The following TPO variants were observed in gnomAD, a reference collection of about 807,000 sequenced individuals.
TPO encodes thyroid microsomal antigen.
TPO carries 78 observed loss-of-function variants against 96.9 expected under a neutral mutation model. That is an observed-to-expected ratio of 0.81 (90% CI 0.67 to 0.97). TPO has a LOEUF of 0.97. TPO is among the 50% of genes least tolerant of loss of function. TPO has a pLI of 0.00. For missense variants in TPO, 1,252 were observed against 1,274.8 expected (o/e 0.98, Z 0.27); for synonymous variants, 547 against 538.0 (o/e 1.02, Z -0.23).
rs558752997 is a variant in TPO, at chr2:1,397,417, G to A, written n.180+23015G>A. On this transcript the variant is annotated intron_variant and non_coding_transcript_variant, in intron 1 of 5. Transcript: ENST00000497517. The stretch of plus-strand genomic sequence containing the variant: ...TGCCCTGAGTGCCTGCAGATGCCGT[G>A]GCCCAGGAGGAAGATACACCATTCC... Among the ~76,000 whole-genome samples the A allele has an allele frequency of 2.6e-5, 4 of 152,272 alleles. No individual in the cohort carries two copies. The East Asian group carries it at 5.8e-4, about 22-fold the overall frequency.
At chr2:1,505,296 A>G (rs1288322921) in intron 14 of TPO, among the ~76,000 whole-genome samples, 4 of 124,416 alleles carry the variant, frequency 3.2e-5, no homozygotes, top group East Asian at 5.0e-4. Flanking sequence ...CCACTATCCT[A>G]TATCAGGCAC....
At chr2:1,497,591 A>G (rs561212973) in intron 13 of TPO, among the ~76,000 whole-genome samples, 1 of 152,240 alleles carries the variant, frequency 6.6e-6, no homozygotes, top group East Asian at 1.9e-4. Context: ...TTCTGGTCTC[A>G]TGGGACAGTG....
intron 15 of TPO, among the ~76,000 whole-genome samples, chr2:1,519,764 T>A (rs1274137118): frequency 1.3e-5 from 2 of 152,222 alleles, no homozygotes; most frequent in African/African-American, 4.8e-5. Context: ...TATAATTTCC[T>A]ATTCATAAAC....
At position 1,456,162 on chromosome 2, in the gene TPO, G is replaced by C. The variant is rs968744712; in HGVS notation, c.699G>C (p.Trp233Cys). 3 of 1,613,960 alleles carry C rather than the reference G, an allele frequency of 1.9e-6. No homozygotes were observed. The highest frequency in any genetic ancestry group is 2.5e-6 in the Non-Finnish European group (3 of 1,180,048). Residue 233 changes from tryptophan to cysteine, a missense_variant, in exon 7 of 17, where the codon TGG becomes TGC. By Grantham distance (215) the Trp-to-Cys change is radical. Coordinates refer to ENST00000329066, the MANE Select transcript of TPO (RefSeq NM_001206744.2). Reference protein sequence around the residue: ...DDRYSDLLMAWGQYIDHDIAF... With the variant: ...DDRYSDLLMACGQYIDHDIAF... ...GCTATTCTGACCTCCTGATGGCATG[G>C]GGACAATACATCGACCACGACATCG...
At chr2:1,518,744 G>A (rs1674954669) in intron 15 of TPO, among the ~76,000 whole-genome samples, 1 of 152,244 alleles carries the variant, frequency 6.6e-6, no homozygotes, top group Non-Finnish European at 1.5e-5. Flanking sequence ...CCATGTGTCA[G>A]ATGTAATGCT....
At chr2:1,534,730 GTGTGTGCAACCTCCTCAAATCTCCCCCAC>G (rs1558433828) in intron 15 of TPO, among the ~76,000 whole-genome samples, 6 of 128,686 alleles carry the variant, frequency 4.7e-5, no homozygotes, top group African/African-American at 1.2e-4. Flanking sequence ...ATTCCCTCTA[GTGTGTGCAACCTCCTCAAATCTCCCCCAC>G]TGTGTGCAAC....
At position 1,477,316 on chromosome 2, in the gene TPO, C is replaced by T; in HGVS notation, c.1050C>T (p.Leu350=). 1 of 1,572,836 alleles carries T rather than the reference C, an allele frequency of 6.4e-7. No individual in the cohort carries two copies. The highest frequency in any genetic ancestry group is 1.2e-5 in the South Asian group (1 of 86,040). Residue 350 remains leucine, a synonymous_variant, in exon 8 of 17, where the codon CTC becomes CTT. Coordinates refer to ENST00000329066, the MANE Select transcript of TPO (RefSeq NM_001206744.2). ...LRNWTSAEGL[L]RVHARLRDSG... is the part of the protein sequence containing the mutation. The stretch of plus-strand genomic sequence containing the variant: ...ACTGGACCAGTGCCGAAGGGCTGCT[C>T]CGCGTCCACGCGCGCCTCCGGGACT...
At chr2:1,527,741 C>T (rs953189012) in intron 15 of TPO, among the ~76,000 whole-genome samples, 2 of 149,032 alleles carry the variant, frequency 1.3e-5, no homozygotes, top group African/African-American at 2.5e-5. Flanking sequence ...CCAAATTTCT[C>T]CCACTCTGGG....
At chr2:1,533,391 A>AC (rs1678803582) in intron 15 of TPO, among the ~76,000 whole-genome samples, 1 of 66,632 alleles carries the variant, frequency 1.5e-5, no homozygotes. Flanking sequence ...TCAAATCCCC[A>AC]CACTGTTTGC....
chr2:1,496,479 T>C (rs766224163), intron 12 of TPO, 116 bp from the exon 13 acceptor site: 149 of 1,442,644 alleles, frequency 1.0e-4, no homozygotes, highest in Non-Finnish European at 1.4e-4. Flanking sequence ...ACAGCAGGGC[T>C]CCCCGGCCCT....
At chr2:1,436,830 G>A (rs759682320) in intron 5 of TPO, among the ~76,000 whole-genome samples, 1 of 152,098 alleles carries the variant, frequency 6.6e-6, no homozygotes, top group Non-Finnish European at 1.5e-5. Context: ...CTGCCATCAC[G>A]TGGTGGTCCC....
chr2:1,524,155 T>G (rs1163021763), intron 15 of TPO, among the ~76,000 whole-genome samples: 1 of 103,478 alleles, frequency 9.7e-6, no homozygotes, highest in South Asian at 3.3e-4. Flanking sequence ...CCTCCCAAAA[T>G]CCCCCAAACT....
chr2:1,528,796 C>CA (rs1677258878), intron 15 of TPO, among the ~76,000 whole-genome samples: 1 of 61,642 alleles, frequency 1.6e-5, no homozygotes, highest in Non-Finnish European at 3.0e-5. Flanking sequence ...CAACCTCCTC[C>CA]AATCCCCCCA....
At chr2:1,419,779 G>A (rs554959603) in intron 2 of TPO, among the ~76,000 whole-genome samples, 55 of 152,300 alleles carry the variant, frequency 3.6e-4, no homozygotes, top group African/African-American at 1.2e-3. Context: ...CGATCCATTC[G>A]AGTTTCCATC....
At chr2:1,458,250 AAGAT>A (rs1181983644) in intron 7 of TPO, among the ~76,000 whole-genome samples, 1 of 151,922 alleles carries the variant, frequency 6.6e-6, no homozygotes, top group Non-Finnish European at 1.5e-5. Context: ...TATAGGATAT[AAGAT>A]AGTGTGTGGG....
At chr2:1,486,837 C>T (rs557128570) in intron 9 of TPO, among the ~76,000 whole-genome samples, 6 of 152,282 alleles carry the variant, frequency 3.9e-5, no homozygotes, top group Admixed American at 1.3e-4. Context: ...GTGCGTCCGG[C>T]GATACCTGCT....
intron 5 of TPO, among the ~76,000 whole-genome samples, chr2:1,448,950 A>C (rs1048137966): frequency 6.6e-6 from 1 of 152,282 alleles, no homozygotes; most frequent in South Asian, 2.1e-4. Flanking sequence ...CCGGATGCAC[A>C]GAGAACGAAC....
In TPO at chr2:1,418,299, A is replaced by AGAG. The variant is rs113469180; in HGVS notation, c.94+3797_94+3798insGAG. ...GAATCCATCTCAAAAAAAAAAAAAA[A>AGAG]AGAGAGAGAGAGAAAAAAAGAAAAG... On this transcript the variant is annotated intron_variant, in intron 2 of 16. Coordinates refer to ENST00000329066, the MANE Select transcript of TPO (RefSeq NM_001206744.2). 9.5e-3 allele frequency among the ~76,000 whole-genome samples: 1,388 copies of AGAG among 146,262 alleles called. 30 individuals carry two copies. Among genetic ancestry groups the AGAG allele is most frequent in the African/African-American group, 0.034 (1,305 of 37,970 alleles).
intron 14 of TPO, among the ~76,000 whole-genome samples, chr2:1,506,361 T>C (rs1673461488): frequency 6.6e-6 from 1 of 151,954 alleles, no homozygotes; most frequent in South Asian, 2.1e-4. Flanking sequence ...CATGTGTCTT[T>C]ATAGCAGCAT....
Sources: allele counts gnomAD v4.1 joint callset (sites outside exome capture counted in the v4.1 genomes callset), GRCh38; gene constraint gnomAD v4.1.1; transcripts MANE v1.5; gene names NCBI Gene and HGNC (gene_info 2026-07-23, HGNC 2026-07-21).